Variants in SLC2A9 observed in about 807,000 individuals in gnomAD.
The protein encoded by SLC2A9 is solute carrier family 2 member 9.
A neutral mutation model predicts 50.6 loss-of-function variants in SLC2A9; 39 were observed. The observed-to-expected ratio is 0.77, with a 90% confidence interval of 0.60 to 1.01. The LOEUF (loss-of-function observed/expected upper bound fraction) is 1.01. Among genes scored for constraint, SLC2A9 ranks in the 50% least tolerant of loss-of-function variants. The pLI is 0.00. For synonymous variants in SLC2A9, 324 were observed against 276.9 expected (o/e 1.17, Z -1.69); for missense variants, 686 against 677.6 (o/e 1.01, Z -0.14).
intron 6 of SLC2A9, among the ~76,000 whole-genome samples, chr4:9,929,475 G>A (rs1005304853): frequency 6.6e-6 from 1 of 152,210 alleles, no homozygotes; most frequent in African/African-American, 2.4e-5. Context: ...TTAACTCCCT[G>A]AATGTCTACA....
At chr4:9,825,712 G>C (rs1725031686), downstream of SLC2A9, among the ~76,000 whole-genome samples, 1 of 152,142 alleles carries the variant, frequency 6.6e-6, no homozygotes, top group Non-Finnish European at 1.5e-5. Flanking sequence ...TCTGGGGTGA[G>C]GACAGCGTCA....
At chr4:9,851,768 CATA>C (rs766757422) in intron 10 of SLC2A9, among the ~76,000 whole-genome samples, 18 of 152,046 alleles carry the variant, frequency 1.2e-4, no homozygotes, top group Non-Finnish European at 2.2e-4. Context: ...TTCAAGAATG[CATA>C]ATATAATCAC....
intron 11 of SLC2A9, 52 bp downstream of exon 11, chr4:9,834,829 G>A: frequency 6.2e-7 from 1 of 1,613,046 alleles, no homozygotes; most frequent in Admixed American, 1.7e-5. Flanking sequence ...CCCCTCAAGT[G>A]CTGCAGAATC....
chr4:9,845,443 T>G (rs1728817935), intron 10 of SLC2A9, among the ~76,000 whole-genome samples: 1 of 139,050 alleles, frequency 7.2e-6, no homozygotes, highest in African/African-American at 2.9e-5. Flanking sequence ...TTTTTTTTTT[T>G]TTTTGAGACG....
chr4:9,957,870 G>A (rs1751578445), intron 5 of SLC2A9, among the ~76,000 whole-genome samples: 1 of 151,834 alleles, frequency 6.6e-6, no homozygotes, highest in Admixed American at 6.6e-5. Context: ...AAAAATGGGA[G>A]GTTAGGAGAA....
intron 10 of SLC2A9, chr4:9,880,427 G>T: frequency 1.0e-6 from 1 of 985,366 alleles, no homozygotes; most frequent in Non-Finnish European, 1.2e-6. Context: ...GACACTGATG[G>T]GGAGCCCAGC....
intron 3 of SLC2A9, among the ~76,000 whole-genome samples, chr4:9,788,754 C>T (rs1319431201): frequency 6.6e-6 from 1 of 152,078 alleles, no homozygotes; most frequent in Non-Finnish European, 1.5e-5. Flanking sequence ...TTAGTGGGAG[C>T]CCTTTAAGTT....
At chr4:9,874,757 A>G (rs1388037981) in intron 10 of SLC2A9, among the ~76,000 whole-genome samples, 1 of 152,226 alleles carries the variant, frequency 6.6e-6, no homozygotes, top group Non-Finnish European at 1.5e-5. Flanking sequence ...GTTAGTGTCT[A>G]AGGTGGGATG....
intron 3 of SLC2A9, among the ~76,000 whole-genome samples, chr4:9,788,278 C>T (rs1271238054): frequency 1.3e-5 from 2 of 152,028 alleles, no homozygotes; most frequent in African/African-American, 4.8e-5. Context: ...GCAACCTTGA[C>T]TCCAGGGCCA....
At chr4:10,000,125 ACAAC>A (rs1262136015) in intron 2 of SLC2A9, among the ~76,000 whole-genome samples, 6 of 152,180 alleles carry the variant, frequency 3.9e-5, no homozygotes, top group African/African-American at 9.7e-5. Context: ...TTCTGGATTC[ACAAC>A]TATCTTACTC....
chr4:9,797,960 T>C (rs1324973744), downstream of SLC2A9, among the ~76,000 whole-genome samples: 2 of 152,226 alleles, frequency 1.3e-5, no homozygotes, highest in Admixed American at 6.5e-5. Context: ...AGCCCAGTGC[T>C]TGGCATTCAG....
chr4:9,980,567 C>T lies in SLC2A9; in HGVS notation c.681+25G>A, dbSNP rs13115193. On this transcript the variant is annotated intron_variant, in intron 5 of 11. Transcript: ENST00000264784. ...TGGTAACATGAGATGAGAGCAGATG[C>T]GGTTGACCAGGGAGCCACACTCACC... 805,254 of 1,613,260 alleles carry T rather than the reference C, an allele frequency of 0.5. 205,376 individuals carry two copies. Among genetic ancestry groups the T allele is most frequent in the Non-Finnish European group, 0.52 (617,560 of 1,179,616 alleles).
intron 3 of SLC2A9, among the ~76,000 whole-genome samples, chr4:9,791,031 G>A (rs1180472292): frequency 1.3e-5 from 2 of 152,168 alleles, no homozygotes; most frequent in African/African-American, 4.8e-5. Context: ...GGTCTAAATA[G>A]CTAAACTCAA....
chr4:9,955,704 A>C (rs1368197646), intron 5 of SLC2A9, among the ~76,000 whole-genome samples: 4 of 151,752 alleles, frequency 2.6e-5, no homozygotes, highest in African/African-American at 9.7e-5. Context: ...TCTTCTGAGG[A>C]GGCAAGAATT....
chr4:9,835,764 T>C (rs1478758086), intron 10 of SLC2A9, among the ~76,000 whole-genome samples: 1 of 152,054 alleles, frequency 6.6e-6, no homozygotes, highest in Non-Finnish European at 1.5e-5. Flanking sequence ...AAGTGAGAGC[T>C]AAGCTACGAG....
chr4:9,800,339 G>A (rs568514211), intron 3 of SLC2A9, among the ~76,000 whole-genome samples: 12 of 152,156 alleles, frequency 7.9e-5, no homozygotes, highest in Non-Finnish European at 1.6e-4. Context: ...TGTCCTTGCT[G>A]ATATTATTAA....
chr4:10,025,816 G>T (rs1763730484), upstream of SLC2A9: 1 of 1,272,898 alleles, frequency 7.9e-7, no homozygotes, highest in South Asian at 1.2e-5. Context: ...CACCTTAACA[G>T]CCTCCCACTG....
intron 10 of SLC2A9, among the ~76,000 whole-genome samples, chr4:9,843,532 G>A (rs1728438006): frequency 6.6e-6 from 1 of 152,048 alleles, no homozygotes; most frequent in Non-Finnish European, 1.5e-5. Flanking sequence ...CTATAGTTTG[G>A]AGCATGCTGC....
intron 2 of SLC2A9, among the ~76,000 whole-genome samples, chr4:10,006,175 T>C (rs1760746092): frequency 6.6e-6 from 1 of 152,228 alleles, no homozygotes; most frequent in African/African-American, 2.4e-5. Flanking sequence ...ACCAAGCCTC[T>C]GGACATAAAA....
Sources: allele counts gnomAD v4.1 joint callset (sites outside exome capture counted in the v4.1 genomes callset), GRCh38; gene constraint gnomAD v4.1.1; transcripts MANE v1.5; gene names NCBI Gene and HGNC (gene_info 2026-07-23, HGNC 2026-07-21).